CDKAL1: variants seen among roughly 807,000 people sequenced by gnomAD.
CDKAL1 encodes the protein CDKAL1 threonylcarbamoyladenosine tRNA methylthiotransferase.
A neutral mutation model predicts 68.2 loss-of-function variants in CDKAL1; 32 were observed. The ratio of observed to expected loss-of-function variants is 0.47; its 90% confidence interval spans 0.35 to 0.63. The LOEUF is 0.63. CDKAL1 is among the 30% of genes least tolerant of loss of function. The pLI, the probability that CDKAL1 is intolerant of heterozygous loss-of-function variation, is 0.00. For synonymous variants in CDKAL1, 234 were observed against 244.3 expected (o/e 0.96, Z 0.39); for missense variants, 606 against 696.7 (o/e 0.87, Z 1.47).
chr6:20,938,764 AC>A (rs1302908781), intron 9 of CDKAL1, among the ~76,000 whole-genome samples: 1 of 151,806 alleles, frequency 6.6e-6, no homozygotes, highest in Non-Finnish European at 1.5e-5. Flanking sequence ...TATTTTTACA[AC>A]CTTTTTTTTT....
chr6:21,231,215 T>G lies in CDKAL1; in HGVS notation c.*176T>G. The G allele has an allele frequency of 2.2e-6, 1 of 463,060 alleles. No homozygotes were observed. The highest frequency in any genetic ancestry group is 3.8e-6 in the Non-Finnish European group (1 of 263,588). The allele number at this position is 463,060 out of a possible 1,614,324, so 28.7% of individuals were successfully genotyped here. A position where few individuals can be genotyped will look rare whatever the true frequency, so the allele number is the denominator to read the frequency against. On this transcript the variant is annotated 3_prime_UTR_variant, in exon 16 of 16. Transcript: ENST00000274695. Reference sequence around the variant, plus strand: ...CCTGTCTCACATTGAGTTGGGCCCATTGGTTATTTGACCTAAAACCTAATC... The same window carrying G: ...CCTGTCTCACATTGAGTTGGGCCCAGTGGTTATTTGACCTAAAACCTAATC...
intron 12 of CDKAL1, among the ~76,000 whole-genome samples, chr6:21,105,864 T>C (rs954110966): frequency 1.3e-5 from 2 of 152,216 alleles, no homozygotes; most frequent in African/African-American, 4.8e-5. Flanking sequence ...AGAAATAAAT[T>C]ATATTATTGC....
intron 9 of CDKAL1, among the ~76,000 whole-genome samples, chr6:20,923,458 G>A (rs933118182): frequency 6.6e-6 from 1 of 152,036 alleles, no homozygotes; most frequent in Non-Finnish European, 1.5e-5. Context: ...GGTGATCTGT[G>A]ATCAATGATC....
At chr6:21,174,289 A>G (rs1185885916) in intron 13 of CDKAL1, among the ~76,000 whole-genome samples, 1 of 152,222 alleles carries the variant, frequency 6.6e-6, no homozygotes, top group East Asian at 1.9e-4. Flanking sequence ...ACAGTGTAAC[A>G]TGATGATGAT....
At chr6:20,769,420 G>A (rs992478334) in intron 7 of CDKAL1, among the ~76,000 whole-genome samples, 1 of 151,760 alleles carries the variant, frequency 6.6e-6, no homozygotes, top group African/African-American at 2.4e-5. Flanking sequence ...CACTATGCTT[G>A]GCTTATTTTT....
chr6:20,641,055 A>G (rs1444415455), intron 4 of CDKAL1, among the ~76,000 whole-genome samples: 6 of 152,324 alleles, frequency 3.9e-5, no homozygotes, highest in East Asian at 1.9e-4. Flanking sequence ...AAGTGTTTCA[A>G]TTACAACAAT....
intron 13 of CDKAL1, among the ~76,000 whole-genome samples, chr6:21,112,620 A>G (rs1472110465): frequency 1.3e-5 from 2 of 152,200 alleles, no homozygotes; most frequent in African/African-American, 4.8e-5. Flanking sequence ...TTTGATAACT[A>G]TCATTATTTA....
chr6:21,030,642 G>A (rs772461317), intron 11 of CDKAL1, among the ~76,000 whole-genome samples: 32 of 152,094 alleles, frequency 2.1e-4, no homozygotes, highest in Non-Finnish European at 3.1e-4. Context: ...TGATGGTATC[G>A]TCATCAATTT....
chr6:21,034,374 T>C (rs536366623), intron 11 of CDKAL1, among the ~76,000 whole-genome samples: 27 of 152,224 alleles, frequency 1.8e-4, no homozygotes, highest in Non-Finnish European at 3.1e-4. Context: ...GTTCCATCTT[T>C]ACCTTTGTGC....
intron 13 of CDKAL1, 67 bp from the exon 14 acceptor site, chr6:21,197,948 CTTTATT>C: frequency 1.1e-6 from 1 of 916,590 alleles, no homozygotes. Context: ...CTGGGCTAGC[CTTTATT>C]TTTATTTTTG....
intron 4 of CDKAL1, among the ~76,000 whole-genome samples, chr6:20,583,062 T>G (rs1765202063): frequency 6.6e-6 from 1 of 152,048 alleles, no homozygotes; most frequent in Non-Finnish European, 1.5e-5. Context: ...TTCTGAGGGA[T>G]TTTTTTTGGG....
Position 20,774,183 on chromosome 6 carries a change from C to A in CDKAL1, c.518-6962C>A, listed in dbSNP as rs147352055. On this transcript the variant is annotated intron_variant, in intron 7 of 15. Coordinates refer to ENST00000274695, the MANE Select transcript of CDKAL1 (RefSeq NM_017774.3). ...AATGAAGTATTGAAGAAAAGTTGGGCTGTTTATAGAGCCTTTAGAAAAAAG... is the reference window on the plus strand; with the variant it reads ...AATGAAGTATTGAAGAAAAGTTGGGATGTTTATAGAGCCTTTAGAAAAAAG... Among the ~76,000 whole-genome samples the A allele has an allele frequency of 3.3e-5, 5 of 152,180 alleles. No individual in the cohort carries two copies. In the East Asian group the frequency reaches 7.7e-4, roughly 24 times the overall value.
intron 13 of CDKAL1, among the ~76,000 whole-genome samples, chr6:21,181,957 G>A (rs879689316): frequency 5.3e-5 from 8 of 152,060 alleles, no homozygotes; most frequent in Non-Finnish European, 7.4e-5. Context: ...TTCAAGACAC[G>A]TAATAAGTAG....
intron 11 of CDKAL1, among the ~76,000 whole-genome samples, chr6:21,017,666 A>G (rs1163906749): frequency 6.6e-6 from 1 of 152,156 alleles, no homozygotes; most frequent in East Asian, 1.9e-4. Flanking sequence ...TGGATTGTCT[A>G]ATTCTTTACG....
intron 12 of CDKAL1, among the ~76,000 whole-genome samples, chr6:21,068,809 T>C (rs553709591): frequency 1.3e-5 from 2 of 152,344 alleles, no homozygotes; most frequent in South Asian, 4.1e-4. Context: ...GAAACTGATG[T>C]TGTTATAATA....
At chr6:20,863,569 A>T (rs1581722054) in intron 9 of CDKAL1, among the ~76,000 whole-genome samples, 1 of 152,246 alleles carries the variant, frequency 6.6e-6, no homozygotes, top group Non-Finnish European at 1.5e-5. Flanking sequence ...GAACATTCTC[A>T]GAATGAGCAC....
At chr6:21,206,059 C>A (rs1468179738) in intron 15 of CDKAL1, among the ~76,000 whole-genome samples, 2 of 151,472 alleles carry the variant, frequency 1.3e-5, no homozygotes, top group Non-Finnish European at 2.9e-5. Flanking sequence ...TCTCTATCTC[C>A]TGACCTTGTG....
At chr6:20,596,170 C>A (rs1471742215) in intron 4 of CDKAL1, among the ~76,000 whole-genome samples, 1 of 152,204 alleles carries the variant, frequency 6.6e-6, no homozygotes, top group Non-Finnish European at 1.5e-5. Flanking sequence ...AGTCCTGTCC[C>A]TTAGCAGAAT....
chr6:21,073,717 T>G (rs564810407), intron 12 of CDKAL1, among the ~76,000 whole-genome samples: 97 of 152,368 alleles, frequency 6.4e-4, no homozygotes, highest in African/African-American at 2.2e-3. Flanking sequence ...ATTGTTGAGT[T>G]ATAAGAGTTC....
Sources: gnomAD v4.1 joint callset for allele counts (sites outside exome capture counted in the v4.1 genomes callset) on GRCh38, gnomAD v4.1.1 for gene constraint, MANE v1.5 for transcripts, NCBI Gene and HGNC (gene_info 2026-07-23, HGNC 2026-07-21) for gene names.